The following CD200R1 variants were observed in gnomAD, a reference collection of about 807,000 sequenced individuals.
The protein encoded by CD200R1 is CD200 receptor 1.
In CD200R1, 30 loss-of-function variants were observed where a neutral mutation model predicts 38.1. The ratio of observed to expected loss-of-function variants is 0.79; its 90% CI spans 0.59 to 1.07. The LOEUF (loss-of-function observed/expected upper bound fraction) is 1.07, where lower values mean the gene tolerates loss of function less well. Ranked by LOEUF, CD200R1 falls within the 50% of genes least tolerant of loss-of-function variation. The pLI, the probability that CD200R1 is intolerant of heterozygous loss-of-function variation, is 0.00. For synonymous variants in CD200R1, 128 were observed against 152.1 expected (o/e 0.84, Z 1.16); for missense variants, 372 against 415.4 (o/e 0.90, Z 0.91).
At chr3:112,964,852 A>C (rs1397715183) in intron 1 of CD200R1, among the ~76,000 whole-genome samples, 1 of 152,060 alleles carries the variant, frequency 6.6e-6, no homozygotes. Flanking sequence ...TTAAATTCCC[A>C]CGTGTTGTGG....
At position 112,921,382 on chromosome 3, in the gene CD200R1, A is replaced by G. The variant is rs1940169021; in HGVS notation, c.*2295T>C. The stretch of plus-strand genomic sequence containing the variant: ...GCCGTTTTCAGAAGTTTGTAAGTGA[A>G]GCATAACCCCAATAGATATTTAGTT... On this transcript the variant is annotated 3_prime_UTR_variant, in exon 8 of 8. Coordinates refer to ENST00000308611, the MANE Select transcript of CD200R1 (RefSeq NM_138806.4). 1 of 152,112 alleles carries G rather than the reference A, an allele frequency of 6.6e-6. No individual in the cohort carries two copies. Among genetic ancestry groups the G allele is most frequent in the African/African-American group, 2.4e-5 (1 of 41,440 alleles). 9.4% of individuals were successfully genotyped at this position (152,112 alleles called of 1,614,324 possible).
At chr3:112,935,609 T>C (rs1441340942) in intron 2 of CD200R1, among the ~76,000 whole-genome samples, 3 of 152,054 alleles carry the variant, frequency 2.0e-5, no homozygotes, top group Non-Finnish European at 4.4e-5. Context: ...TCCATAGCAA[T>C]AAATCCCTAC....
At chr3:112,974,674 C>A in intron 1 of CD200R1, 117 bp downstream of exon 1, 1 of 715,368 alleles carries the variant, frequency 1.4e-6, no homozygotes, top group South Asian at 1.5e-5. Context: ...ATTTAGCAAC[C>A]CCCTATATTT....
chr3:112,945,790 A>G (rs9813013), intron 2 of CD200R1, among the ~76,000 whole-genome samples: 152,064 of 152,278 alleles, frequency 1, 75,926 homozygotes, highest in Middle Eastern at 1. Flanking sequence ...AGCACTTTGG[A>G]AGGCCGAGGC....
At chr3:112,945,880 T>C (rs1019221982) in intron 2 of CD200R1, among the ~76,000 whole-genome samples, 8 of 151,870 alleles carry the variant, frequency 5.3e-5, no homozygotes, top group African/African-American at 1.9e-4. Context: ...ATACAAAAAT[T>C]AGCAGGGCGT....
At chr3:112,947,051 G>C (rs528666238) in intron 2 of CD200R1, among the ~76,000 whole-genome samples, 5 of 152,178 alleles carry the variant, frequency 3.3e-5, no homozygotes, top group South Asian at 2.1e-4. Flanking sequence ...ATACTGTAAC[G>C]TTCCAATTAT....
chr3:112,963,551 C>T (rs763930580), intron 1 of CD200R1, among the ~76,000 whole-genome samples: 22 of 152,146 alleles, frequency 1.4e-4, no homozygotes, highest in Non-Finnish European at 2.4e-4. Context: ...ATGTGTGGAA[C>T]TTTGAACTTG....
chr3:112,972,183 A>G (rs1453037330), intron 1 of CD200R1, among the ~76,000 whole-genome samples: 4 of 152,238 alleles, frequency 2.6e-5, no homozygotes, highest in Admixed American at 1.3e-4. Flanking sequence ...ATAAATTATT[A>G]TAACATGTAA....
intron 1 of CD200R1, among the ~76,000 whole-genome samples, chr3:112,965,124 G>A (rs1933123423): frequency 6.6e-6 from 1 of 152,062 alleles, no homozygotes; most frequent in South Asian, 2.1e-4. Flanking sequence ...GTGTGAAAAT[G>A]GACTATTATA....
At chr3:112,974,662 A>C (rs1280389720) in intron 1 of CD200R1, 129 bp downstream of exon 1, 1 of 684,040 alleles carries the variant, frequency 1.5e-6, no homozygotes, top group African/African-American at 1.8e-5. Flanking sequence ...GGAGTAACCC[A>C]TATTTAGCAA....
intron 2 of CD200R1, among the ~76,000 whole-genome samples, chr3:112,946,309 G>A (rs1258637676): frequency 1.3e-5 from 2 of 152,092 alleles, no homozygotes; most frequent in African/African-American, 4.8e-5. Context: ...TTTGCTTTTT[G>A]GAACTTTGTG....
intron 2 of CD200R1, among the ~76,000 whole-genome samples, chr3:112,934,513 T>C (rs956796817): frequency 6.6e-6 from 1 of 152,058 alleles, no homozygotes; most frequent in Non-Finnish European, 1.5e-5. Flanking sequence ...TTAAAAGATA[T>C]AGACTGGCCA....
Position 112,922,345 on chromosome 3 carries a change from A to G in CD200R1, c.*1332T>C, listed in dbSNP as rs556536151. On this transcript the variant is annotated 3_prime_UTR_variant, in exon 8 of 8. Coordinates refer to ENST00000308611, the MANE Select transcript of CD200R1 (RefSeq NM_138806.4). ...TAATTAAAAATAATTTCATGATATT[A>G]ACAATGATTTACATAAACATTGCCA... 6.6e-6 allele frequency: 1 copy of G among 152,024 alleles called. No individual in the cohort carries two copies. Among genetic ancestry groups the G allele is most frequent in the Non-Finnish European group, 1.5e-5 (1 of 67,946 alleles). 9.4% of individuals were successfully genotyped at this position (152,024 alleles called of 1,614,324 possible).
chr3:112,930,841 T>TTTAACATAGATCTGAGAGG (rs1275133268), intron 3 of CD200R1, among the ~76,000 whole-genome samples: 4 of 152,232 alleles, frequency 2.6e-5, no homozygotes, highest in Non-Finnish European at 5.9e-5. Context: ...GAGGTAATAC[T>TTTAACATAGATCTGAGAGG]TTAACATAGA....
chr3:112,974,056 T>G (rs895244598), intron 1 of CD200R1, among the ~76,000 whole-genome samples: 1 of 152,076 alleles, frequency 6.6e-6, no homozygotes, highest in Non-Finnish European at 1.5e-5. Context: ...TCATCGAAAG[T>G]GACAGAAAGC....
chr3:112,938,343 A>G (rs1460491161), intron 2 of CD200R1, among the ~76,000 whole-genome samples: 1 of 151,968 alleles, frequency 6.6e-6, no homozygotes, highest in East Asian at 1.9e-4. Flanking sequence ...AAAGATTAAC[A>G]TAATTGACAA....
At chr3:112,950,254 T>A (rs534056698) in intron 1 of CD200R1, among the ~76,000 whole-genome samples, 8 of 152,156 alleles carry the variant, frequency 5.3e-5, no homozygotes, top group African/African-American at 1.7e-4. Flanking sequence ...ATACAAAAAT[T>A]AGCCGGATGT....
chr3:112,967,663 C>T (rs1403915315), intron 1 of CD200R1, among the ~76,000 whole-genome samples: 1 of 152,186 alleles, frequency 6.6e-6, no homozygotes, highest in East Asian at 1.9e-4. Flanking sequence ...GAATAACCCA[C>T]CCACATTTTT....
chr3:112,973,408 T>A (rs1210079428), intron 1 of CD200R1, among the ~76,000 whole-genome samples: 1 of 152,178 alleles, frequency 6.6e-6, no homozygotes, highest in Admixed American at 6.5e-5. Flanking sequence ...CCCACTCAAA[T>A]GTTTAGTGGT....
Sources: allele counts gnomAD v4.1 joint callset (sites outside exome capture counted in the v4.1 genomes callset), GRCh38; gene constraint gnomAD v4.1.1; transcripts MANE v1.5; gene names NCBI Gene and HGNC (gene_info 2026-07-23, HGNC 2026-07-21).